Variants in CTNNA1 observed in about 807,000 individuals in gnomAD.
CTNNA1 encodes catenin alpha-1.
Under a neutral mutation model 98.4 loss-of-function variants are expected in CTNNA1, and 37 were observed. The ratio of observed to expected loss-of-function variants is 0.38; its 90% confidence interval spans 0.29 to 0.49. The LOEUF is 0.49. Ranked by LOEUF, CTNNA1 falls within the 20% of genes least tolerant of loss-of-function variation. The pLI, the probability that CTNNA1 is intolerant of heterozygous loss-of-function variation, is 0.95. For synonymous variants in CTNNA1, 404 were observed against 413.2 expected, an observed-to-expected ratio of 0.98 and a Z score of 0.27; for missense variants, 761 against 1,147.2, an observed-to-expected ratio of 0.66 and a Z score of 4.86.
chr5:138,932,236 G>T, intron 16 of CTNNA1: 1 of 1,090,042 alleles, frequency 9.2e-7, no homozygotes, highest in Non-Finnish European at 1.1e-6. Context: ...AGGGGCATGG[G>T]CCTCCACCCT....
At chr5:138,784,984 C>G (rs992289300) in intron 3 of CTNNA1, among the ~76,000 whole-genome samples, 2 of 152,122 alleles carry the variant, frequency 1.3e-5, no homozygotes, top group Non-Finnish European at 2.9e-5. Flanking sequence ...AATAAAGTTG[C>G]ATTCACAGGT....
intron 10 of CTNNA1, among the ~76,000 whole-genome samples, chr5:138,911,385 C>T (rs1426755394): frequency 6.6e-6 from 1 of 152,106 alleles, no homozygotes; most frequent in Middle Eastern, 3.2e-3. Flanking sequence ...CCTCACATGG[C>T]AAAGGGGACT....
chr5:138,930,691 GCTA>G (rs1765110399), intron 15 of CTNNA1, 37 bp downstream of exon 15: 2 of 1,596,120 alleles, frequency 1.3e-6, no homozygotes, highest in South Asian at 1.1e-5. Flanking sequence ...CTGCACAGGG[GCTA>G]CTTTCTTCCC....
chr5:138,833,864 G>A (rs1199691852), intron 7 of CTNNA1, among the ~76,000 whole-genome samples: 1 of 152,176 alleles, frequency 6.6e-6, no homozygotes, highest in Admixed American at 6.6e-5. Context: ...CTTTGTTCTT[G>A]CCTGAAAACG....
intron 1 of CTNNA1, among the ~76,000 whole-genome samples, chr5:138,775,284 G>A (rs1446183539): frequency 3.3e-5 from 5 of 152,204 alleles, no homozygotes; most frequent in Non-Finnish European, 7.3e-5. Flanking sequence ...TGGTTGAGCT[G>A]TTGTCAAACC....
chr5:138,931,557 C>A, intron 16 of CTNNA1: 1 of 977,286 alleles, frequency 1.0e-6, no homozygotes, highest in Non-Finnish European at 1.2e-6. Flanking sequence ...TAAAGGCATC[C>A]TTGACTCCCA....
At chr5:138,802,085 TATG>T (rs1274606242) in intron 3 of CTNNA1, among the ~76,000 whole-genome samples, 1 of 152,112 alleles carries the variant, frequency 6.6e-6, no homozygotes, top group Non-Finnish European at 1.5e-5. Context: ...TAGAAAGAAA[TATG>T]ATGATTCGCC....
chr5:138,863,870 A>T (rs1490191479), intron 7 of CTNNA1, among the ~76,000 whole-genome samples: 2 of 152,256 alleles, frequency 1.3e-5, no homozygotes, highest in Non-Finnish European at 2.9e-5. Flanking sequence ...GCATGAAATC[A>T]TAGGAGTGTC....
intron 3 of CTNNA1, among the ~76,000 whole-genome samples, chr5:138,783,607 T>C (rs1755375503): frequency 1.3e-5 from 2 of 152,246 alleles, no homozygotes. Context: ...GACTGGCTCA[T>C]TTTAATCATG....
chr5:138,887,684 T>C (rs746928198), intron 9 of CTNNA1, 42 bp downstream of exon 9: 1 of 1,551,894 alleles, frequency 6.4e-7, no homozygotes, highest in East Asian at 2.3e-5. Context: ...GGCAACTTGG[T>C]GAAGTGTGGT....
At chr5:138,783,483 A>G (rs1755361510) in intron 3 of CTNNA1, 111 bp downstream of exon 3, 12 of 844,718 alleles carry the variant, frequency 1.4e-5, no homozygotes, top group Non-Finnish European at 1.9e-5. Context: ...CCAATTGCTC[A>G]GTAACTTACT....
rs1289422085 is a variant in CTNNA1 at position 138,768,560 on chromosome 5, T to G, written c.-2-13363T>G. Among the ~76,000 whole-genome samples, 6 of 22,474 alleles carry G rather than the reference T, an allele frequency of 2.7e-4. No individual in the cohort carries two copies. In the East Asian group the frequency reaches 0.045, roughly 170 times the overall value. The allele number at this position is 22,474 out of a possible 152,430, so 14.7% of individuals were successfully genotyped here. A position where few individuals can be genotyped will look rare whatever the true frequency, so the allele number is the denominator to read the frequency against. On this transcript the variant is annotated intron_variant, in intron 1 of 17. Coordinates refer to ENST00000302763, the MANE Select transcript of CTNNA1 (RefSeq NM_001903.5). ...ACAGGCATGAGACAACGGTGTCTGT[T>G]TTTTTTTTTTTTTTTTTTTTTTGAG...
chr5:138,896,916 T>C (rs1756941038), intron 9 of CTNNA1, among the ~76,000 whole-genome samples: 1 of 152,202 alleles, frequency 6.6e-6, no homozygotes, highest in Non-Finnish European at 1.5e-5. Context: ...CTTGCCCACC[T>C]CCTTTGGCTG....
chr5:138,884,014 T>C (rs1361513439), intron 7 of CTNNA1, among the ~76,000 whole-genome samples: 1 of 152,190 alleles, frequency 6.6e-6, no homozygotes, highest in Non-Finnish European at 1.5e-5. Context: ...GGGCCCAATA[T>C]GAGTGGCCAA....
intron 11 of CTNNA1, among the ~76,000 whole-genome samples, chr5:138,921,807 G>T (rs1322031832): frequency 6.6e-6 from 1 of 151,736 alleles, no homozygotes; most frequent in Non-Finnish European, 1.5e-5. Context: ...CACCATGTTG[G>T]CCAGGATGGT....
In CTNNA1 at chr5:138,825,482, G is replaced by GTTTTTTTTTTT. The variant is rs756586452; in HGVS notation, c.858+689_858+699dup. On this transcript the variant is annotated intron_variant, in intron 6 of 17. Coordinates refer to ENST00000302763, the MANE Select transcript of CTNNA1 (RefSeq NM_001903.5). ...CTTCCAGTAGATGGCAGCAGTATAA[G>GTTTTTTTTTTT]TTTTTTTTTTTTTTTTAGGGCTTTA... Among the ~76,000 whole-genome samples the GTTTTTTTTTTT allele has an allele frequency of 1.2e-3, 88 of 74,104 alleles. 13 individuals carry two copies. Among genetic ancestry groups the GTTTTTTTTTTT allele is most frequent in the Middle Eastern group, 0.016 (2 of 126 alleles). The allele number at this position is 74,104 out of a possible 152,430, so 48.6% of individuals were successfully genotyped here. A position where few individuals can be genotyped will look rare whatever the true frequency, so the allele number is the denominator to read the frequency against.
At chr5:138,852,169 G>A (rs1385612965) in intron 7 of CTNNA1, among the ~76,000 whole-genome samples, 1 of 152,184 alleles carries the variant, frequency 6.6e-6, no homozygotes, top group Non-Finnish European at 1.5e-5. Context: ...GGTCTCTAAT[G>A]GGCCTGGCGT....
chr5:138,892,887 G>A (rs905520142), intron 9 of CTNNA1, among the ~76,000 whole-genome samples: 4 of 151,766 alleles, frequency 2.6e-5, no homozygotes, highest in African/African-American at 9.7e-5. Context: ...GAGGTGGCAG[G>A]TGCCTGTAAT....
chr5:138,784,601 C>T (rs1755472031), intron 3 of CTNNA1, among the ~76,000 whole-genome samples: 1 of 152,100 alleles, frequency 6.6e-6, no homozygotes, highest in African/African-American at 2.4e-5. Flanking sequence ...ATATTAGTTT[C>T]CTAGGGCTTC....
Sources: gnomAD v4.1 joint callset for allele counts (sites outside exome capture counted in the v4.1 genomes callset) on GRCh38, gnomAD v4.1.1 for gene constraint, MANE v1.5 for transcripts, NCBI Gene and HGNC (gene_info 2026-07-23, HGNC 2026-07-21) for gene names.